TVP23C: variants seen among roughly 807,000 people sequenced by gnomAD.
The protein encoded by TVP23C is trans-golgi network vesicle protein 23 homolog C.
In TVP23C, 19 loss-of-function variants were observed where a neutral mutation model predicts 28.7. The observed-to-expected ratio is 0.66, with a 90% confidence interval of 0.46 to 0.97. The LOEUF is 0.97. Ranked by LOEUF, TVP23C falls within the 50% of genes least tolerant of loss-of-function variation. TVP23C has a pLI of 0.00. For synonymous variants in TVP23C, 68 were observed against 81.7 expected (o/e 0.83, Z 0.90); for missense variants, 186 against 241.3 (o/e 0.77, Z 1.52).
In TVP23C at chr17:15,563,431, C is replaced by T. The variant is rs1445720115; in HGVS notation, c.12+6G>A. The stretch of plus-strand genomic sequence containing the variant: ...CCACCCTCCCAGCGCGCCCTCAGCC[C>T]CTCACCTGCTGCAACATGGCGGCCC... On this transcript the variant is annotated splice_donor_region_variant and intron_variant, in intron 1 of 5. Coordinates refer to ENST00000518321, the MANE Select transcript of TVP23C (RefSeq NM_001135036.2). 1.9e-6 allele frequency: 3 copies of T among 1,594,078 alleles called. No homozygotes were observed. The highest frequency in any genetic ancestry group is 1.7e-6 in the Non-Finnish European group (2 of 1,172,204).
chr17:15,503,156 C>G, exon 6 of TVP23C: 2 of 1,598,296 alleles, frequency 1.3e-6, no homozygotes, highest in Non-Finnish European at 8.5e-7. Context: ...TATCCCAGCG[C>G]TTTGGAAGGC....
At chr17:15,514,944 G>A (rs564803666) in intron 5 of TVP23C, among the ~76,000 whole-genome samples, 1 of 152,148 alleles carries the variant, frequency 6.6e-6, no homozygotes, top group Non-Finnish European at 1.5e-5. Context: ...CCAGATCCCC[G>A]CGGATCCCTT....
chr17:15,552,335 T>C (rs1182455796), intron 3 of TVP23C, among the ~76,000 whole-genome samples: 3 of 152,200 alleles, frequency 2.0e-5, no homozygotes, highest in Non-Finnish European at 4.4e-5. Flanking sequence ...CTCAGCATTA[T>C]GCGGCCTACG....
intron 3 of TVP23C, among the ~76,000 whole-genome samples, chr17:15,547,927 G>A (rs1028740686): frequency 2.0e-5 from 3 of 152,096 alleles, no homozygotes; most frequent in Non-Finnish European, 4.4e-5. Context: ...AATTAATGGT[G>A]TCCACTAATA....
intron 3 of TVP23C, among the ~76,000 whole-genome samples, chr17:15,551,152 T>G (rs1262265920): frequency 1.3e-5 from 2 of 152,142 alleles, no homozygotes; most frequent in Admixed American, 1.3e-4. Flanking sequence ...AGTCTTGCTC[T>G]GTTGCCCAGG....
intron 5 of TVP23C, among the ~76,000 whole-genome samples, chr17:15,543,988 T>G (rs1415768780): frequency 2.0e-5 from 3 of 152,120 alleles, no homozygotes; most frequent in Non-Finnish European, 2.9e-5. Context: ...AAGCAAAACT[T>G]TAGTCTGCCT....
chr17:15,517,730 G>A (rs1053181631), intron 5 of TVP23C, among the ~76,000 whole-genome samples: 2 of 152,136 alleles, frequency 1.3e-5, no homozygotes, highest in African/African-American at 4.8e-5. Flanking sequence ...CTAAACAGGA[G>A]GAAGCCACAT....
exon 6 of TVP23C, chr17:15,502,943 C>A: frequency 6.2e-7 from 1 of 1,614,130 alleles, no homozygotes; most frequent in African/African-American, 1.3e-5. Flanking sequence ...CCCACCTCCC[C>A]TCCAGGCCCA....
rs2921194 is a variant in TVP23C, at chr17:15,527,021, A to G, written c.462+18764T>C. Among the ~76,000 whole-genome samples the G allele has an allele frequency of 5.4e-3, 821 of 152,272 alleles. 3 individuals carry two copies. The highest frequency in any genetic ancestry group is 0.019 in the African/African-American group (781 of 41,522). On this transcript the variant is annotated intron_variant, in intron 5 of 5. Transcript: ENST00000225576. The stretch of plus-strand genomic sequence containing the variant: ...AAACCAAAATGGAGTTACTCACGGT[A>G]AAGTTCCAGGCCACCAAGCCAAAAC...
chr17:15,550,995 T>C (rs1344439658), intron 3 of TVP23C, among the ~76,000 whole-genome samples: 1 of 152,238 alleles, frequency 6.6e-6, no homozygotes, highest in Non-Finnish European at 1.5e-5. Context: ...CTCTCTGATT[T>C]AAGCTTCCTT....
At chr17:15,548,362 C>T (rs1344488141) in intron 3 of TVP23C, among the ~76,000 whole-genome samples, 1 of 152,180 alleles carries the variant, frequency 6.6e-6, no homozygotes, top group Non-Finnish European at 1.5e-5. Context: ...GATGGGGTTT[C>T]TCCATGTCGG....
Position 15,527,645 on chromosome 17 carries a change from T to C in TVP23C, c.462+18140A>G, listed in dbSNP as rs142371952. Among the ~76,000 whole-genome samples the C allele has an allele frequency of 6.7e-3, 1,021 of 152,346 alleles. 3 individuals are homozygous for C. The highest frequency in any genetic ancestry group is 9.6e-3 in the Non-Finnish European group (656 of 68,036). On this transcript the variant is annotated intron_variant, in intron 5 of 5. Transcript: ENST00000225576. ...CACCTCAAGAGGGTAAGTATTTACT[T>C]GTGCTTATGACTCTCAGCCTGCTGC...
intron 5 of TVP23C, among the ~76,000 whole-genome samples, chr17:15,542,117 C>T (rs936104712): frequency 1.3e-5 from 2 of 152,210 alleles, no homozygotes; most frequent in East Asian, 1.9e-4. Flanking sequence ...GTTGGAGCAG[C>T]TCTACATAGC....
At chr17:15,511,413 C>G (rs565933074) in intron 5 of TVP23C, among the ~76,000 whole-genome samples, 69 of 152,264 alleles carry the variant, frequency 4.5e-4, no homozygotes, top group African/African-American at 1.6e-3. Context: ...CCACTGGAAG[C>G]CTTAATTGTA....
At chr17:15,509,516 T>C (rs1981913716) in intron 5 of TVP23C, among the ~76,000 whole-genome samples, 1 of 152,258 alleles carries the variant, frequency 6.6e-6, no homozygotes, top group South Asian at 2.1e-4. Context: ...TCTTTGCTTA[T>C]ACAGATCCCT....
intron 5 of TVP23C, among the ~76,000 whole-genome samples, chr17:15,513,327 T>C (rs1982081068): frequency 6.6e-6 from 1 of 152,252 alleles, no homozygotes; most frequent in Non-Finnish European, 1.5e-5. Flanking sequence ...AAAAATATCC[T>C]GAAAGTGGAC....
intron 1 of TVP23C, among the ~76,000 whole-genome samples, chr17:15,557,974 T>A (rs1175281841): frequency 2.7e-5 from 4 of 148,510 alleles, no homozygotes; most frequent in Admixed American, 6.8e-5. Context: ...GCTGAAAAGG[T>A]AAAATGGATT....
At chr17:15,509,110 C>T (rs116764318) in intron 5 of TVP23C, among the ~76,000 whole-genome samples, 1,719 of 152,286 alleles carry the variant, frequency 0.011, 36 homozygotes, top group African/African-American at 0.039. Context: ...AAAGATTTGG[C>T]GGCCAAAGTC....
At chr17:15,512,886 TC>T (rs1567630920) in intron 5 of TVP23C, among the ~76,000 whole-genome samples, 1 of 152,006 alleles carries the variant, frequency 6.6e-6, no homozygotes, top group African/African-American at 2.4e-5. Flanking sequence ...CCCCATGGAG[TC>T]CCCCTGCTTG....
Sources: allele counts gnomAD v4.1 joint callset (sites outside exome capture counted in the v4.1 genomes callset), GRCh38; gene constraint gnomAD v4.1.1; transcripts MANE v1.5; gene names NCBI Gene and HGNC (gene_info 2026-07-23, HGNC 2026-07-21).